CAP1: variants seen among roughly 807,000 people sequenced by gnomAD.
CAP1 encodes the protein cyclase associated actin cytoskeleton regulatory protein 1.
In CAP1, 11 loss-of-function variants were observed where a neutral mutation model predicts 58.2. That is an observed-to-expected ratio of 0.19 (90% CI 0.12 to 0.31). The LOEUF is 0.31. Ranked by LOEUF, CAP1 falls within the 10% of genes least tolerant of loss-of-function variation. CAP1 has a pLI of 1.00. For synonymous variants in CAP1, 183 were observed against 213.8 expected (o/e 0.86, Z 1.26); for missense variants, 423 against 587.5 (o/e 0.72, Z 2.89).
chr1:40,067,229 A>T lies in CAP1; in HGVS notation c.631-311A>T. ...CAGGAAATGATGAAATCAGTTTTGA[A>T]TCTGTTGAATCAGAGGTACTGGTAA... On this transcript the variant is annotated intron_variant, in intron 7 of 12. Coordinates refer to ENST00000372805, the MANE Select transcript of CAP1 (RefSeq NM_006367.4). 3 of 295,830 alleles carry T rather than the reference A, an allele frequency of 1.0e-5. No individual in the cohort carries two copies. The South Asian group carries it at 2.5e-4, about 25-fold the overall frequency. The allele number at this position is 295,830 out of a possible 1,614,324, so 18.3% of individuals were successfully genotyped here.
intron 1 of CAP1, among the ~76,000 whole-genome samples, chr1:40,048,184 AC>A (rs1370373617): frequency 1.3e-5 from 2 of 150,762 alleles, no homozygotes; most frequent in African/African-American, 4.9e-5. Flanking sequence ...GCACCCACCC[AC>A]CATCACGCCT....
At chr1:40,053,334 A>G (rs1349246443) in intron 1 of CAP1, among the ~76,000 whole-genome samples, 2 of 152,248 alleles carry the variant, frequency 1.3e-5, no homozygotes, top group East Asian at 3.8e-4. Context: ...GTGATTAACC[A>G]TATAGTCACT....
At chr1:40,053,128 G>A (rs769314076) in intron 1 of CAP1, among the ~76,000 whole-genome samples, 18 of 152,192 alleles carry the variant, frequency 1.2e-4, no homozygotes, top group Non-Finnish European at 1.9e-4. Flanking sequence ...GGAAGCTGAG[G>A]CAGGAGAATT....
chr1:40,050,640 C>T (rs1363685212), intron 1 of CAP1, among the ~76,000 whole-genome samples: 1 of 151,870 alleles, frequency 6.6e-6, no homozygotes, highest in East Asian at 2.0e-4. Context: ...GCCTGGGCAA[C>T]AGAGTGAGAC....
intron 9 of CAP1, 67 bp downstream of exon 9, chr1:40,069,941 A>G (rs1647527399): frequency 2.0e-6 from 3 of 1,466,636 alleles, no homozygotes; most frequent in Non-Finnish European, 2.7e-6. Flanking sequence ...ATGGAGTTTC[A>G]CTTTGTCGCC....
chr1:40,068,605 CAT>C (rs1647233073), intron 8 of CAP1, among the ~76,000 whole-genome samples: 1 of 151,620 alleles, frequency 6.6e-6, no homozygotes, highest in Non-Finnish European at 1.5e-5. Flanking sequence ...GCCACCATTA[CAT>C]GTTTTTCTAC....
At position 40,059,192 on chromosome 1, in the gene CAP1, G is replaced by T. The variant is rs1646744208; in HGVS notation, c.-10-145G>T. 5 of 547,802 alleles carry T rather than the reference G, an allele frequency of 9.1e-6. No homozygotes were observed. In the East Asian group the frequency reaches 1.5e-4, roughly 17 times the overall value. The allele number at this position is 547,802 out of a possible 1,614,324, so 33.9% of individuals were successfully genotyped here. A position where few individuals can be genotyped will look rare whatever the true frequency, so the allele number is the denominator to read the frequency against. ...TTTTGTATTGTTCCATTTTGCAGAT[G>T]ATATCTAATTTTATTAAATTATTCT... On this transcript the variant is annotated intron_variant, in intron 1 of 12. Coordinates refer to ENST00000372805, the MANE Select transcript of CAP1 (RefSeq NM_006367.4).
At chr1:40,062,919 C>T (rs1646916686) in intron 4 of CAP1, among the ~76,000 whole-genome samples, 1 of 152,080 alleles carries the variant, frequency 6.6e-6, no homozygotes, top group Non-Finnish European at 1.5e-5. Flanking sequence ...GGTGCAAACA[C>T]AAACAAAATT....
intron 1 of CAP1, among the ~76,000 whole-genome samples, chr1:40,054,846 G>A (rs919812116): frequency 1.7e-4 from 26 of 152,104 alleles, no homozygotes; most frequent in East Asian, 5.8e-4. Flanking sequence ...TAGTAGAGAC[G>A]GGGTTTTGCC....
intron 12 of CAP1, 143 bp from the exon 13 acceptor site, chr1:40,071,307 A>G (rs181964270): frequency 2.5e-5 from 16 of 639,550 alleles, no homozygotes; most frequent in Middle Eastern, 5.0e-4. Flanking sequence ...AGAACATAGC[A>G]TGGCTCTGTG....
chr1:40,062,678 A>T (rs1238434011), intron 4 of CAP1, among the ~76,000 whole-genome samples: 9 of 151,998 alleles, frequency 5.9e-5, no homozygotes, highest in Non-Finnish European at 2.9e-5. Context: ...AATGGGAGGA[A>T]GATTTGGGCC....
At chr1:40,046,730 T>G (rs574984001) in intron 1 of CAP1, among the ~76,000 whole-genome samples, 1 of 152,240 alleles carries the variant, frequency 6.6e-6, no homozygotes, top group South Asian at 2.1e-4. Context: ...TATCTAATAC[T>G]GTAGGCAGTT....
Position 40,067,624 on chromosome 1 carries a change from C to T in CAP1, c.715C>T (p.Pro239Ser). Residue 239 changes from proline (P) to serine (S), a missense_variant, in exon 8 of 13, where the codon CCT becomes TCT. By Grantham distance (74) the Pro-to-Ser change is moderately conservative. Transcript: ENST00000372805. ...CPPPPPPCPP[P>S]PPVSTISCSY... ...TCCTCCCCCTCCACCATGCCCCCCT[C>T]CTCCCCCAGTCTCTACCATTTCATG... The T allele has an allele frequency of 1.9e-6, 3 of 1,579,486 alleles. No homozygotes were observed. Among genetic ancestry groups the T allele is most frequent in the South Asian group, 1.1e-5 (1 of 89,860 alleles).
At chr1:40,067,804 C>A in intron 8 of CAP1, 87 bp downstream of exon 8, 3 of 980,888 alleles carry the variant, frequency 3.1e-6, no homozygotes, top group East Asian at 2.7e-5. Flanking sequence ...AAACTACAAC[C>A]CTGGCTTGTG....
At chr1:40,056,619 A>G (rs1185041629) in intron 1 of CAP1, among the ~76,000 whole-genome samples, 1 of 152,140 alleles carries the variant, frequency 6.6e-6, no homozygotes, top group East Asian at 1.9e-4. Context: ...TTAATCCCAG[A>G]TGAATGGCCT....
At chr1:40,054,519 G>C (rs527715595) in intron 1 of CAP1, among the ~76,000 whole-genome samples, 3 of 152,314 alleles carry the variant, frequency 2.0e-5, no homozygotes, top group Admixed American at 6.5e-5. Flanking sequence ...ACAGTGGCAA[G>C]ACATGGTCCT....
At chr1:40,052,982 T>G (rs1251675753) in intron 1 of CAP1, among the ~76,000 whole-genome samples, 1 of 151,638 alleles carries the variant, frequency 6.6e-6, no homozygotes, top group East Asian at 2.0e-4. Flanking sequence ...CCCAGCACTT[T>G]GGGAGGCCAA....
chr1:40,070,817 C>G lies in CAP1; in HGVS notation c.1201-19C>G, dbSNP rs1647805060. The G allele has an allele frequency of 2.5e-6, 4 of 1,595,966 alleles. No individual in the cohort carries two copies. The highest frequency in any genetic ancestry group is 1.8e-5 in the Admixed American group (1 of 56,380). On this transcript the variant is annotated intron_variant, in intron 11 of 12. Coordinates refer to ENST00000372805, the MANE Select transcript of CAP1 (RefSeq NM_006367.4). ...CCTTCCCAACCACTGGGACTCAGTTCTCTTTGTTTACTCTGCAGGTAATGG... is the reference window on the plus strand; with the variant it reads ...CCTTCCCAACCACTGGGACTCAGTTGTCTTTGTTTACTCTGCAGGTAATGG...
chr1:40,071,382 T>C (rs1647991201), intron 12 of CAP1, 68 bp from the exon 13 acceptor site: 2 of 1,103,568 alleles, frequency 1.8e-6, no homozygotes, highest in Non-Finnish European at 2.7e-6. Flanking sequence ...TTGGGAGAAA[T>C]GTGTGAGATT....
Sources: allele counts gnomAD v4.1 joint callset (sites outside exome capture counted in the v4.1 genomes callset), GRCh38; gene constraint gnomAD v4.1.1; transcripts MANE v1.5; gene names NCBI Gene and HGNC (gene_info 2026-07-23, HGNC 2026-07-21).